LOC400499: variants seen among roughly 807,000 people sequenced by gnomAD.
At chr16:11,384,320 A>C in the LOC400499 span, 244 of 1,231,262 alleles carry the variant, frequency 2.0e-4, 1 homozygote, top group Non-Finnish European at 2.4e-4. Context: ...AGGCCAGCGG[A>C]TATGCCTGTG....
chr16:11,373,074 G>GC, the LOC400499 span, among the ~76,000 whole-genome samples: 1 of 152,246 alleles, frequency 6.6e-6, no homozygotes. Context: ...ATAGTTCCTA[G>GC]CCAAGGGGAG....
At chr16:11,483,253 G>A in the LOC400499 span, among the ~76,000 whole-genome samples, 1 of 152,190 alleles carries the variant, frequency 6.6e-6, no homozygotes, top group Non-Finnish European at 1.5e-5. Flanking sequence ...TGGTTTAGCA[G>A]CTTTAGAAAA....
chr16:11,515,492 T>A, the LOC400499 span, among the ~76,000 whole-genome samples: 1 of 151,106 alleles, frequency 6.6e-6, no homozygotes, highest in Non-Finnish European at 1.5e-5. Context: ...CATACATACA[T>A]ACATACGTAC....
At chr16:11,464,559 T>C in the LOC400499 span, among the ~76,000 whole-genome samples, 3 of 152,130 alleles carry the variant, frequency 2.0e-5, no homozygotes, top group Non-Finnish European at 4.4e-5. Flanking sequence ...CAACCTTAAA[T>C]CCCATTAGCT....
At chr16:11,461,224 T>C in the LOC400499 span, 5 of 1,386,516 alleles carry the variant, frequency 3.6e-6, no homozygotes, top group South Asian at 1.5e-5. Context: ...GGCCTTGGGG[T>C]TGGGGGCTCC....
the LOC400499 span, chr16:11,473,212 T>C: frequency 1.3e-5 from 2 of 151,858 alleles, no homozygotes; most frequent in African/African-American, 4.8e-5. Flanking sequence ...CTAAAATTTT[T>C]TTCTGTATTG....
chr16:11,462,234 G>C, the LOC400499 span: 8 of 1,533,486 alleles, frequency 5.2e-6, no homozygotes, highest in Non-Finnish European at 7.0e-6. Flanking sequence ...CCCGTCACCA[G>C]TTTCACCTCC....
chr16:11,464,869 G>C, the LOC400499 span, among the ~76,000 whole-genome samples: 1 of 152,184 alleles, frequency 6.6e-6, no homozygotes, highest in Non-Finnish European at 1.5e-5. Flanking sequence ...CAAACAACTA[G>C]AAGTTCAAGG....
At chr16:11,383,220 C>A in the LOC400499 span, among the ~76,000 whole-genome samples, 2 of 151,960 alleles carry the variant, frequency 1.3e-5, no homozygotes, top group Non-Finnish European at 2.9e-5. Context: ...CGCCCGCAAC[C>A]ATGCCCGGCT....
At chr16:11,513,119 GGTTCAACA>G in the LOC400499 span, among the ~76,000 whole-genome samples, 1 of 152,060 alleles carries the variant, frequency 6.6e-6, no homozygotes, top group Non-Finnish European at 1.5e-5. Flanking sequence ...TAATCGGCGG[GGTTCAACA>G]GTTCACACCT....
chr16:11,502,310 T>C, the LOC400499 span: 3 of 395,740 alleles, frequency 7.6e-6, no homozygotes, highest in South Asian at 4.1e-4. Context: ...TCTCCCAGGA[T>C]GTGCTGAGAC....
the LOC400499 span, among the ~76,000 whole-genome samples, chr16:11,413,888 A>C: frequency 1.3e-3 from 204 of 152,320 alleles, 1 homozygote; most frequent in African/African-American, 4.5e-3. Flanking sequence ...GAATTTGCCC[A>C]AGGCCACACA....
chr16:11,475,824 C>T, the LOC400499 span: 209 of 389,960 alleles, frequency 5.4e-4, no homozygotes, highest in African/African-American at 3.9e-3. Context: ...CTACCCTGAG[C>T]GGGGCCAGCC....
chr16:11,522,457 T>C, the LOC400499 span, among the ~76,000 whole-genome samples: 1 of 152,090 alleles, frequency 6.6e-6, no homozygotes, highest in African/African-American at 2.4e-5. Context: ...TTTACCAGCA[T>C]CCCTGACCTT....
chr16:11,447,916 C>T, the LOC400499 span: 2 of 1,530,322 alleles, frequency 1.3e-6, no homozygotes, highest in South Asian at 1.2e-5. Flanking sequence ...GTCAGCTGAG[C>T]AGAAGGGGCG....
the LOC400499 span, chr16:11,385,275 G>T: frequency 2.4e-6 from 3 of 1,232,162 alleles, no homozygotes; most frequent in Non-Finnish European, 3.0e-6. Flanking sequence ...TGTGAGCCCC[G>T]AGCCTGTCCG....
the LOC400499 span, among the ~76,000 whole-genome samples, chr16:11,420,714 C>A: frequency 6.6e-6 from 1 of 151,544 alleles, no homozygotes; most frequent in African/African-American, 2.4e-5. Context: ...GGAGAGGGCA[C>A]CCTGGTCCCC....
At chr16:11,500,315 C>T in the LOC400499 span, among the ~76,000 whole-genome samples, 85 of 152,146 alleles carry the variant, frequency 5.6e-4, no homozygotes, top group Non-Finnish European at 1.0e-4. Flanking sequence ...CGAGACCAGC[C>T]TGGCCAACAT....
chr16:11,506,413 G>A, the LOC400499 span, among the ~76,000 whole-genome samples: 1 of 152,342 alleles, frequency 6.6e-6, no homozygotes, highest in South Asian at 2.1e-4. Context: ...GCCAGTATGA[G>A]CCAGTCCTGT....
Sources: gnomAD v4.1 joint callset for allele counts (sites outside exome capture counted in the v4.1 genomes callset) on GRCh38, gnomAD v4.1.1 for gene constraint, MANE v1.5 for transcripts.